KPNA1: variants seen among roughly 807,000 people sequenced by gnomAD.
KPNA1 encodes importin subunit alpha-5.
Under a neutral mutation model 70.5 loss-of-function variants are expected in KPNA1, and 10 were observed. The ratio of observed to expected loss-of-function variants is 0.14; its 90% CI spans 0.09 to 0.24. The LOEUF is 0.24. Among genes scored for constraint, KPNA1 ranks in the 10% least tolerant of loss-of-function variants. KPNA1 has a pLI of 1.00. For synonymous variants in KPNA1, 192 were observed against 221.9 expected (o/e 0.87, Z 1.20); for missense variants, 397 against 637.9 (o/e 0.62, Z 4.07).
intron 2 of KPNA1, among the ~76,000 whole-genome samples, chr3:122,484,275 C>G (rs1428094907): frequency 1.3e-5 from 2 of 152,180 alleles, no homozygotes; most frequent in Non-Finnish European, 2.9e-5. Flanking sequence ...TTACAATACA[C>G]AGCTTTTTAG....
chr3:122,499,901 T>A (rs1445428195), intron 1 of KPNA1, among the ~76,000 whole-genome samples: 1 of 152,260 alleles, frequency 6.6e-6, no homozygotes, highest in Admixed American at 6.5e-5. Context: ...TATTATTTCT[T>A]TAAATGTTTG....
intron 1 of KPNA1, among the ~76,000 whole-genome samples, chr3:122,513,990 C>A (rs1256588724): frequency 6.6e-6 from 1 of 152,220 alleles, no homozygotes; most frequent in African/African-American, 2.4e-5. Context: ...AAAAGTGGAA[C>A]ACGACCCAAT....
chr3:122,491,984 C>A (rs976703946), intron 2 of KPNA1, among the ~76,000 whole-genome samples: 2 of 150,464 alleles, frequency 1.3e-5, no homozygotes, highest in Non-Finnish European at 3.0e-5. Context: ...GCCTCAGCCT[C>A]CCGTGTAGCT....
Position 122,453,815 on chromosome 3 carries a change from C to A in KPNA1, c.564+55G>T, listed in dbSNP as rs1234519698. On this transcript the variant is annotated intron_variant, in intron 6 of 13. Transcript: ENST00000344337. ...AAAATGTTGGGATTACAGGAGTGAG[C>A]GACATGCCCAGCCAAAAACTTTCTT... 8 of 1,548,042 alleles carry A rather than the reference C, an allele frequency of 5.2e-6. No homozygotes were observed. In the East Asian group the frequency reaches 1.6e-4, roughly 31 times the overall value.
intron 10 of KPNA1, among the ~76,000 whole-genome samples, chr3:122,440,472 T>C (rs1400685455): frequency 1.3e-5 from 2 of 152,124 alleles, no homozygotes; most frequent in Non-Finnish European, 2.9e-5. Context: ...GGAACAAATA[T>C]GGCAAAAGCA....
chr3:122,486,789 A>G (rs1173548863), intron 2 of KPNA1, among the ~76,000 whole-genome samples: 4 of 151,926 alleles, frequency 2.6e-5, no homozygotes, highest in East Asian at 3.9e-4. Flanking sequence ...GGTTTCACCA[A>G]TGTTAGCCAG....
rs1576271592 is a variant in KPNA1 at position 122,429,888 on chromosome 3, T to C, written c.1251-2172A>G. On this transcript the variant is annotated intron_variant, in intron 12 of 13. Coordinates refer to ENST00000344337, the MANE Select transcript of KPNA1 (RefSeq NM_002264.4). ...CCCAGACATTCACAATACTTGAATGTTTGTTCCCCTGATGGTATCCTAGAT... is the reference window on the plus strand; with the variant it reads ...CCCAGACATTCACAATACTTGAATGCTTGTTCCCCTGATGGTATCCTAGAT... Among the ~76,000 whole-genome samples the C allele has an allele frequency of 2.6e-5, 4 of 152,286 alleles. No individual in the cohort carries two copies. In the East Asian group the frequency reaches 7.7e-4, roughly 29 times the overall value.
intron 9 of KPNA1, among the ~76,000 whole-genome samples, chr3:122,448,898 C>G (rs964000301): frequency 6.6e-6 from 1 of 152,214 alleles, no homozygotes; most frequent in Non-Finnish European, 1.5e-5. Flanking sequence ...CATTACTGAT[C>G]TGCATCCAGT....
At position 122,453,605 on chromosome 3, in the gene KPNA1, C is replaced by T. The variant is rs145188420; in HGVS notation, c.564+265G>A. On this transcript the variant is annotated intron_variant, in intron 6 of 13. Coordinates refer to ENST00000344337, the MANE Select transcript of KPNA1 (RefSeq NM_002264.4). ...AGGCTGGAGTGCAATGACGCGATCT[C>T]GGCTCACTGTAACCTCCACCTCTCG... 8.1e-3 allele frequency among the ~76,000 whole-genome samples: 1,231 copies of T among 152,106 alleles called. 8 individuals carry two copies. Among genetic ancestry groups the T allele is most frequent in the African/African-American group, 0.028 (1,159 of 41,494 alleles).
At chr3:122,431,665 A>G (rs1180477871) in intron 12 of KPNA1, among the ~76,000 whole-genome samples, 1 of 152,220 alleles carries the variant, frequency 6.6e-6, no homozygotes, top group East Asian at 1.9e-4. Flanking sequence ...AATTAATTTT[A>G]TTATAAATAG....
At chr3:122,466,996 G>A (rs1397924911) in intron 3 of KPNA1, among the ~76,000 whole-genome samples, 1 of 143,546 alleles carries the variant, frequency 7.0e-6, no homozygotes, top group African/African-American at 2.6e-5. Flanking sequence ...GCAAGACCCT[G>A]TCTCTAAAAC....
rs899364282 is a variant in KPNA1, at chr3:122,433,766, A to G, written c.1145T>C (p.Phe382Ser). The G allele has an allele frequency of 1.3e-5, 21 of 1,609,930 alleles. No individual in the cohort carries two copies. The highest frequency in any genetic ancestry group is 1.7e-5 in the Non-Finnish European group (20 of 1,178,392). ...TTGTAAAATACTAATGAGGGCTGGG[A>G]AAATGTTGGCATCTATCACAGTCTA... ...QIQTVIDANI[F>S]PALISILQTA... The change falls in exon 12 of 14, where the codon TTC (phenylalanine) becomes TCC (serine). Residue 382 changes from phenylalanine to serine, a missense_variant. Phe to Ser is a radical substitution (Grantham distance 155). Transcript: ENST00000344337.
intron 2 of KPNA1, among the ~76,000 whole-genome samples, chr3:122,473,239 C>T (rs181053261): frequency 6.0e-4 from 92 of 152,202 alleles, no homozygotes; most frequent in Non-Finnish European, 7.9e-4. Flanking sequence ...ACCAATCAAC[C>T]TTCCAAAACA....
intron 1 of KPNA1, 185 bp from the exon 2 acceptor site, chr3:122,496,755 G>A: frequency 2.2e-6 from 1 of 460,020 alleles, no homozygotes; most frequent in African/African-American, 2.0e-5. Context: ...CCGGACTGGA[G>A]TACAGTGGTG....
intron 12 of KPNA1, among the ~76,000 whole-genome samples, chr3:122,431,027 TAGTA>T (rs1334367165): frequency 5.9e-5 from 9 of 152,260 alleles, no homozygotes; most frequent in East Asian, 1.9e-4. Context: ...TCTATACAAA[TAGTA>T]AGTTTCACTT....
At position 122,425,005 on chromosome 3, in the gene KPNA1, T is replaced by C. The variant is rs1376790144; in HGVS notation, c.*1980A>G. Reference sequence around the variant, plus strand: ...AGGTCAAGTGCAGTAAACTAAAATGTTCTCTCAGCACAAAGCAGCACTAGA... The same window carrying C: ...AGGTCAAGTGCAGTAAACTAAAATGCTCTCTCAGCACAAAGCAGCACTAGA... On this transcript the variant is annotated 3_prime_UTR_variant, in exon 14 of 14. Coordinates refer to ENST00000344337, the MANE Select transcript of KPNA1 (RefSeq NM_002264.4). The C allele has an allele frequency of 6.6e-6, 1 of 152,658 alleles. No individual in the cohort carries two copies. Among genetic ancestry groups the C allele is most frequent in the Non-Finnish European group, 1.5e-5 (1 of 68,048 alleles). The allele number at this position is 152,658 out of a possible 1,614,324, so 9.5% of individuals were successfully genotyped here. A position where few individuals can be genotyped will look rare whatever the true frequency, so the allele number is the denominator to read the frequency against.
At chr3:122,511,235 C>T (rs912065360) in intron 1 of KPNA1, among the ~76,000 whole-genome samples, 1 of 152,156 alleles carries the variant, frequency 6.6e-6, no homozygotes, top group Non-Finnish European at 1.5e-5. Flanking sequence ...GCTGCCTATT[C>T]TGACCCCAAC....
At chr3:122,446,368 T>A (rs2076138118) in intron 9 of KPNA1, among the ~76,000 whole-genome samples, 1 of 152,212 alleles carries the variant, frequency 6.6e-6, no homozygotes, top group African/African-American at 2.4e-5. Flanking sequence ...ATTAAGAAAC[T>A]CACTCAAAAC....
chr3:122,457,590 C>CA, intron 5 of KPNA1: 1 of 672,298 alleles, frequency 1.5e-6, no homozygotes, highest in South Asian at 1.9e-5. Flanking sequence ...GTCCTGAACT[C>CA]ACTAAATAAG....
Sources: allele counts gnomAD v4.1 joint callset (sites outside exome capture counted in the v4.1 genomes callset), GRCh38; gene constraint gnomAD v4.1.1; transcripts MANE v1.5; gene names NCBI Gene and HGNC (gene_info 2026-07-23, HGNC 2026-07-21).